The following NTRK3 variants were observed in gnomAD, a reference collection of about 807,000 sequenced individuals.
NTRK3 encodes the protein NT-3 growth factor receptor.
Under a neutral mutation model 91.7 loss-of-function variants are expected in NTRK3, and 24 were observed. The observed-to-expected ratio is 0.26, with a 90% CI of 0.19 to 0.37. The LOEUF (loss-of-function observed/expected upper bound fraction) is 0.37, where lower values mean the gene tolerates loss of function less well. Ranked by LOEUF, NTRK3 falls within the 10% of genes least tolerant of loss-of-function variation. NTRK3 has a pLI of 1.00. For missense variants in NTRK3, 880 were observed against 1,068.9 expected (o/e 0.82, Z 2.46); for synonymous variants, 483 against 404.0 (o/e 1.20, Z -2.34).
intron 14 of NTRK3, among the ~76,000 whole-genome samples, chr15:87,954,246 G>A (rs1164292674): frequency 1.3e-5 from 2 of 151,932 alleles, no homozygotes; most frequent in African/African-American, 4.8e-5. Flanking sequence ...TCCAACTAGG[G>A]GATATATGTG....
intron 5 of NTRK3, among the ~76,000 whole-genome samples, chr15:88,178,948 G>C (rs1181890232): frequency 6.6e-6 from 1 of 152,194 alleles, no homozygotes; most frequent in Non-Finnish European, 1.5e-5. Flanking sequence ...ACGCTCCTGG[G>C]ACGTAAAAAA....
intron 13 of NTRK3, among the ~76,000 whole-genome samples, chr15:88,100,861 T>G (rs553889560): frequency 2.6e-5 from 4 of 152,240 alleles, no homozygotes; most frequent in African/African-American, 9.6e-5. Flanking sequence ...ATACAAAAAT[T>G]AATTCAAGTT....
At chr15:87,927,370 G>T (rs994782450) in intron 17 of NTRK3, 1 of 152,192 alleles carries the variant, frequency 6.6e-6, no homozygotes, top group African/African-American at 2.4e-5. Flanking sequence ...ACGTCTGAGT[G>T]ATCTCATTTA....
intron 17 of NTRK3, among the ~76,000 whole-genome samples, chr15:87,925,410 A>G (rs1265575742): frequency 1.3e-5 from 2 of 151,226 alleles, no homozygotes; most frequent in African/African-American, 4.9e-5. Flanking sequence ...ACATTCTGGA[A>G]TCTGCACTGG....
intron 13 of NTRK3, among the ~76,000 whole-genome samples, chr15:88,110,144 A>G (rs3784417): frequency 0.45 from 68,678 of 151,842 alleles, 15,802 homozygotes; most frequent in African/African-American, 0.49. Context: ...CCCCAGTAGG[A>G]TGACTGGGGA....
intron 13 of NTRK3, among the ~76,000 whole-genome samples, chr15:88,097,748 G>C (rs1288270185): frequency 6.6e-6 from 1 of 152,158 alleles, no homozygotes; most frequent in Non-Finnish European, 1.5e-5. Context: ...TAATAATATG[G>C]AGACTATTTA....
At chr15:87,899,106 T>C (rs753729936) in intron 17 of NTRK3, among the ~76,000 whole-genome samples, 4 of 152,160 alleles carry the variant, frequency 2.6e-5, no homozygotes, top group Non-Finnish European at 5.9e-5. Flanking sequence ...ATGGTGTCAG[T>C]AGTGTTGTAT....
chr15:87,997,556 G>A (rs190144099), intron 14 of NTRK3, among the ~76,000 whole-genome samples: 1 of 151,966 alleles, frequency 6.6e-6, no homozygotes, highest in Non-Finnish European at 1.5e-5. Flanking sequence ...ATTTTGAGCA[G>A]TAAATATTTT....
At chr15:87,888,326 C>T (rs114002843) in intron 17 of NTRK3, among the ~76,000 whole-genome samples, 18 of 152,276 alleles carry the variant, frequency 1.2e-4, no homozygotes, top group African/African-American at 4.1e-4. Context: ...GTCACTATCT[C>T]CATAAAATTC....
chr15:88,024,524 TGTCATGAGA>T (rs1567243484), intron 14 of NTRK3, among the ~76,000 whole-genome samples: 1 of 152,068 alleles, frequency 6.6e-6, no homozygotes, highest in Non-Finnish European at 1.5e-5. Flanking sequence ...GTTTTGGCAA[TGTCATGAGA>T]GTGAGGGGCC....
intron 13 of NTRK3, among the ~76,000 whole-genome samples, chr15:88,047,390 T>TG (rs1312619297): frequency 2.6e-5 from 4 of 152,002 alleles, no homozygotes; most frequent in Admixed American, 2.0e-4. Context: ...AGGTAGATGG[T>TG]GGGGAGATTC....
At chr15:87,916,795 T>C (rs937262138) in intron 17 of NTRK3, among the ~76,000 whole-genome samples, 1 of 151,520 alleles carries the variant, frequency 6.6e-6, no homozygotes, top group East Asian at 1.9e-4. Context: ...AGAGTCTCAC[T>C]CTATCACTCA....
intron 3 of NTRK3, among the ~76,000 whole-genome samples, chr15:88,184,877 G>A (rs1414002821): frequency 6.6e-6 from 1 of 152,188 alleles, no homozygotes; most frequent in Non-Finnish European, 1.5e-5. Context: ...AAAACCAATG[G>A]CTTGATTTGG....
chr15:87,963,930 T>G (rs191398787), intron 14 of NTRK3, among the ~76,000 whole-genome samples: 1 of 152,334 alleles, frequency 6.6e-6, no homozygotes, highest in African/African-American at 2.4e-5. Context: ...ATCAATCCAT[T>G]TCCGTGTTTT....
exon 19 of NTRK3, chr15:87,866,670 G>A (rs550586056): frequency 2.6e-5 from 5 of 190,382 alleles, no homozygotes; most frequent in African/African-American, 1.2e-4. Flanking sequence ...TAGATGGTTT[G>A]GTCTTCCAGC....
chr15:88,068,626 G>A (rs1402741165), intron 13 of NTRK3, among the ~76,000 whole-genome samples: 2 of 152,288 alleles, frequency 1.3e-5, no homozygotes, highest in East Asian at 1.9e-4. Flanking sequence ...AACAAAAGCT[G>A]AATCAAAGGC....
chr15:88,221,530 G>A (rs531920688), intron 3 of NTRK3, among the ~76,000 whole-genome samples: 3 of 152,300 alleles, frequency 2.0e-5, no homozygotes, highest in East Asian at 3.9e-4. Context: ...GGTGGCTCAC[G>A]CCTGTAATCC....
intron 3 of NTRK3, among the ~76,000 whole-genome samples, chr15:88,215,906 GT>G (rs2049726516): frequency 6.6e-6 from 1 of 152,138 alleles, no homozygotes. Context: ...GGCTCCCCAG[GT>G]TCTCCCTGGA....
At chr15:87,862,478 G>C (rs886741827) in exon 19 of NTRK3, 1 of 228,068 alleles carries the variant, frequency 4.4e-6, no homozygotes, top group African/African-American at 2.2e-5. Flanking sequence ...TCAAAATGGA[G>C]GTTTTCTAAC....
Sources: gnomAD v4.1 joint callset for allele counts (sites outside exome capture counted in the v4.1 genomes callset) on GRCh38, gnomAD v4.1.1 for gene constraint, MANE v1.5 for transcripts, NCBI Gene and HGNC (gene_info 2026-07-23, HGNC 2026-07-21) for gene names.